The following FRYL variants were observed in gnomAD, a reference collection of about 807,000 sequenced individuals.
FRYL encodes the protein FRY like transcription coactivator, also known as protein furry homolog-like.
A neutral mutation model predicts 351.2 loss-of-function variants in FRYL; 150 were observed. The ratio of observed to expected loss-of-function variants is 0.43; its 90% CI spans 0.37 to 0.49. The LOEUF (loss-of-function observed/expected upper bound fraction) is 0.49, where lower values mean the gene tolerates loss of function less well. Ranked by LOEUF, FRYL falls within the 20% of genes least tolerant of loss-of-function variation. The pLI is 0.00. For synonymous variants in FRYL, 1,153 were observed against 1,257.1 expected, an observed-to-expected ratio of 0.92 and a Z score of 1.75; for missense variants, 3,036 against 3,619.3, an observed-to-expected ratio of 0.84 and a Z score of 4.13.
intron 6 of FRYL, 120 bp from the exon 7 acceptor site, chr4:48,619,490 T>C (rs1750222785): frequency 5.6e-6 from 3 of 533,368 alleles, no homozygotes; most frequent in Non-Finnish European, 9.7e-6. Context: ...CAGCAATTGT[T>C]AATATGAAGC....
At chr4:48,523,144 T>TTTAGAAGCATGTATTTGA in intron 53 of FRYL, 40 bp from the exon 54 acceptor site, 1 of 1,334,628 alleles carries the variant, frequency 7.5e-7, no homozygotes, top group Non-Finnish European at 1.1e-6. Flanking sequence ...CTCAAATACA[T>TTTAGAAGCATGTATTTGA]GCTTCTAAAT....
At chr4:48,547,040 G>C (rs907415553) in intron 41 of FRYL, among the ~76,000 whole-genome samples, 25 of 151,962 alleles carry the variant, frequency 1.6e-4, no homozygotes, top group African/African-American at 5.6e-4. Flanking sequence ...CTTGTTATTA[G>C]CCTGATGGTA....
At chr4:48,612,691 G>T (rs1466175305) in intron 7 of FRYL, among the ~76,000 whole-genome samples, 1 of 151,814 alleles carries the variant, frequency 6.6e-6, no homozygotes, top group Non-Finnish European at 1.5e-5. Context: ...CCATTCTCCT[G>T]CCTCAGCCTC....
chr4:48,527,225 C>T (rs1726458520), intron 53 of FRYL, among the ~76,000 whole-genome samples: 1 of 151,964 alleles, frequency 6.6e-6, no homozygotes, highest in South Asian at 2.1e-4. Flanking sequence ...TCTAAGCATA[C>T]CCTGAAAATA....
At chr4:48,761,007 C>CTCTGTGTG (rs1774359213) in intron 1 of FRYL, among the ~76,000 whole-genome samples, 2 of 134,512 alleles carry the variant, frequency 1.5e-5, no homozygotes, top group South Asian at 5.1e-4. Context: ...ATTACTCTGT[C>CTCTGTGTG]TGTGTGTGTG....
rs1326331870 is a variant in FRYL, at chr4:48,561,507, C to T, written c.3826G>A (p.Ala1276Thr). 5 of 1,610,848 alleles carry T rather than the reference C, an allele frequency of 3.1e-6. No homozygotes were observed. Among genetic ancestry groups the T allele is most frequent in the Non-Finnish European group, 4.2e-6 (5 of 1,178,058 alleles). Residue 1276 changes from alanine (A) to threonine (T), a missense_variant, in exon 33 of 64, where the codon GCA becomes ACA. Ala to Thr is a moderately conservative substitution (Grantham distance 58, BLOSUM62 0). This residue lies in a region of FRYL where 1,987 missense variants were observed against 2,311.7 expected (regional missense o/e 0.86). Coordinates refer to ENST00000358350, the MANE Select transcript of FRYL (RefSeq NM_015030.2). Reference sequence around the variant, plus strand: ...AGAGTTAGCTCAGGATACGCCCTTGCTAGTTCCTCGGACAACTGATAATAT... The same window carrying T: ...AGAGTTAGCTCAGGATACGCCCTTGTTAGTTCCTCGGACAACTGATAATAT... The part of the protein sequence containing the change: ...VSYYQLSEEL[A>T]RAYPELTLAI...
At chr4:48,674,877 C>T (rs1446371127) in intron 3 of FRYL, among the ~76,000 whole-genome samples, 1 of 151,800 alleles carries the variant, frequency 6.6e-6, no homozygotes, top group Non-Finnish European at 1.5e-5. Context: ...TCAAGAGGTT[C>T]ACTAAAAGTT....
chr4:48,581,289 G>A (rs534190778), intron 21 of FRYL, 131 bp downstream of exon 21: 12 of 680,762 alleles, frequency 1.8e-5, no homozygotes, highest in South Asian at 5.0e-5. Context: ...CGCCCGACTC[G>A]GCCTCCCAAT....
At chr4:48,715,741 A>G (rs1415767461) in intron 1 of FRYL, among the ~76,000 whole-genome samples, 1 of 152,216 alleles carries the variant, frequency 6.6e-6, no homozygotes, top group African/African-American at 2.4e-5. Context: ...TCAAGCTAGC[A>G]ATGACTTTCT....
rs1719101220 is a variant in FRYL, at chr4:48,499,651, C to T, written c.8813G>A (p.Ser2938Asn). The T allele has an allele frequency of 6.2e-7, 1 of 1,614,018 alleles. No individual in the cohort carries two copies. The highest frequency in any genetic ancestry group is 1.1e-5 in the South Asian group (1 of 91,078). The change falls in exon 64 of 64, where the codon AGT (serine) becomes AAT (asparagine). Residue 2938 changes from serine to asparagine, a missense_variant. Coordinates refer to ENST00000358350, the MANE Select transcript of FRYL (RefSeq NM_015030.2). Reference sequence around the variant, plus strand: ...TGTCTGTACAGGGTCATCTTCACAACTGCCAAAGATATCACTGGGCCAGAG... The same window carrying T: ...TGTCTGTACAGGGTCATCTTCACAATTGCCAAAGATATCACTGGGCCAGAG... ...RSLWPSDIFGSCEDDPVQTLL... is the reference protein window; with the variant it reads ...RSLWPSDIFGNCEDDPVQTLL...
chr4:48,521,933 C>CA (rs1385728843), intron 54 of FRYL, among the ~76,000 whole-genome samples: 2 of 152,130 alleles, frequency 1.3e-5, no homozygotes, highest in African/African-American at 4.8e-5. Flanking sequence ...TTCCATTCAA[C>CA]ATCACTGCCA....
At chr4:48,546,308 GA>G in intron 41 of FRYL, 37 bp from the exon 42 acceptor site, 5 of 1,480,794 alleles carry the variant, frequency 3.4e-6, no homozygotes, top group Non-Finnish European at 4.7e-6. Context: ...CCTAAAACAT[GA>G]AAGAATCTCA....
At chr4:48,771,559 C>T (rs1338193341) in intron 1 of FRYL, among the ~76,000 whole-genome samples, 4 of 152,180 alleles carry the variant, frequency 2.6e-5, no homozygotes, top group African/African-American at 4.8e-5. Context: ...CTTAACAAGA[C>T]AATTTTTAGA....
At chr4:48,712,306 G>A (rs1445834609) in intron 1 of FRYL, among the ~76,000 whole-genome samples, 5 of 152,062 alleles carry the variant, frequency 3.3e-5, no homozygotes, top group Non-Finnish European at 7.3e-5. Context: ...AGGCAAAGAA[G>A]TTAAAAACTT....
intron 2 of FRYL, among the ~76,000 whole-genome samples, chr4:48,709,715 C>T (rs539565220): frequency 1.2e-4 from 18 of 152,150 alleles, no homozygotes; most frequent in Admixed American, 6.5e-4. Flanking sequence ...GAGAAAACTG[C>T]GTCTACCAAG....
chr4:48,770,683 C>T (rs1392424685), intron 1 of FRYL, among the ~76,000 whole-genome samples: 4 of 152,040 alleles, frequency 2.6e-5, no homozygotes, highest in Admixed American at 2.0e-4. Context: ...GTGATCTGCC[C>T]GCCTCAGCCT....
intron 25 of FRYL, 152 bp downstream of exon 25, chr4:48,574,965 T>C (rs1739267578): frequency 1.9e-6 from 1 of 534,636 alleles, no homozygotes; most frequent in Non-Finnish European, 3.3e-6. Context: ...CCATGTTAAA[T>C]GTTACATGGC....
Position 48,643,654 on chromosome 4 carries a change from A to G in FRYL, c.-80-9164T>C, listed in dbSNP as rs180786528. Among the ~76,000 whole-genome samples the G allele has an allele frequency of 5.1e-4, 77 of 152,320 alleles. 2 individuals carry two copies. The East Asian group carries it at 0.014, about 28-fold the overall frequency. On this transcript the variant is annotated intron_variant, in intron 3 of 63. Coordinates refer to ENST00000358350, the MANE Select transcript of FRYL (RefSeq NM_015030.2). ...GTAAATGCAATAATATTAAAAAATTAAATCGTTACAAATATTAAAAAAGAT... is the reference window on the plus strand; with the variant it reads ...GTAAATGCAATAATATTAAAAAATTGAATCGTTACAAATATTAAAAAAGAT...
intron 27 of FRYL, among the ~76,000 whole-genome samples, chr4:48,570,592 T>C (rs902189964): frequency 1.3e-5 from 2 of 152,196 alleles, no homozygotes; most frequent in African/African-American, 4.8e-5. Context: ...ATAGGAACAT[T>C]ATATCCATTT....
Sources: allele counts gnomAD v4.1 joint callset (sites outside exome capture counted in the v4.1 genomes callset), GRCh38; gene constraint gnomAD v4.1.1; regional missense constraint gnomAD v4.1.1; transcripts MANE v1.5; gene names NCBI Gene and HGNC (gene_info 2026-07-23, HGNC 2026-07-21).